NELL2: variants seen among roughly 807,000 people sequenced by gnomAD.
NELL2 encodes the protein protein kinase C-binding protein NELL2.
Under a neutral mutation model 109.6 loss-of-function variants are expected in NELL2, and 41 were observed. That is an observed-to-expected ratio of 0.37 (90% CI 0.29 to 0.49). The LOEUF is 0.49. Among genes scored for constraint, NELL2 ranks in the 20% least tolerant of loss-of-function variants. The pLI, the probability that NELL2 is intolerant of heterozygous loss-of-function variation, is 0.98. For missense variants in NELL2, 900 were observed against 1,008.3 expected, an observed-to-expected ratio of 0.89 and a Z score of 1.45; for synonymous variants, 355 against 344.7, an observed-to-expected ratio of 1.03 and a Z score of -0.33.
At chr12:44,776,287 T>C in intron 7 of NELL2, 137 bp from the exon 8 acceptor site, 1 of 720,380 alleles carries the variant, frequency 1.4e-6, no homozygotes. Flanking sequence ...GCCATAAACA[T>C]ATTTAAGACT....
At chr12:44,603,882 T>G (rs1410895659) in intron 15 of NELL2, among the ~76,000 whole-genome samples, 5 of 152,120 alleles carry the variant, frequency 3.3e-5, no homozygotes, top group African/African-American at 4.8e-5. Context: ...ATCCTATTAT[T>G]TCATCCTCAG....
intron 13 of NELL2, among the ~76,000 whole-genome samples, chr12:44,630,598 G>T (rs769285122): frequency 1.8e-4 from 28 of 152,098 alleles, no homozygotes; most frequent in Non-Finnish European, 3.7e-4. Flanking sequence ...TTCACAGTTG[G>T]TGCTTCTTAC....
chr12:44,551,448 G>C (rs1367008946), intron 15 of NELL2, among the ~76,000 whole-genome samples: 1 of 152,156 alleles, frequency 6.6e-6, no homozygotes, highest in Non-Finnish European at 1.5e-5. Flanking sequence ...GGATACATGA[G>C]TAAAGAAAGT....
intron 2 of NELL2, among the ~76,000 whole-genome samples, chr12:44,819,185 G>A (rs1003106849): frequency 4.6e-5 from 7 of 152,150 alleles, no homozygotes; most frequent in African/African-American, 1.7e-4. Flanking sequence ...TTGAAAACAT[G>A]GTGAAGGAAA....
At chr12:44,875,001 A>G (rs1945271303) in intron 2 of NELL2, 1 of 523,750 alleles carries the variant, frequency 1.9e-6, no homozygotes, top group East Asian at 3.1e-5. Flanking sequence ...GGGACTATCC[A>G]TTAGAACTGG....
At chr12:44,867,863 T>C (rs576332874) in intron 2 of NELL2, among the ~76,000 whole-genome samples, 2 of 152,246 alleles carry the variant, frequency 1.3e-5, no homozygotes, top group African/African-American at 4.8e-5. Flanking sequence ...CTCACACCTG[T>C]AATCCCAGCA....
At chr12:44,576,370 TGA>T (rs917974598) in intron 15 of NELL2, among the ~76,000 whole-genome samples, 3 of 152,184 alleles carry the variant, frequency 2.0e-5, no homozygotes, top group African/African-American at 7.2e-5. Flanking sequence ...GGGCAAGTGG[TGA>T]GTCTTTTCCA....
At chr12:44,808,905 C>A (rs1943088343) in intron 3 of NELL2, among the ~76,000 whole-genome samples, 1 of 151,852 alleles carries the variant, frequency 6.6e-6, no homozygotes, top group South Asian at 2.1e-4. Context: ...TTTATTAATA[C>A]AGAAGATGAT....
At chr12:44,525,455 TTGAG>T (rs1416053341) in intron 16 of NELL2, among the ~76,000 whole-genome samples, 1 of 152,222 alleles carries the variant, frequency 6.6e-6, no homozygotes, top group Non-Finnish European at 1.5e-5. Context: ...TCCAAGGAGT[TTGAG>T]TTAGTTTGAA....
intron 9 of NELL2, among the ~76,000 whole-genome samples, chr12:44,746,168 G>T (rs759657686): frequency 1.3e-5 from 2 of 152,156 alleles, no homozygotes; most frequent in Non-Finnish European, 2.9e-5. Context: ...TCTGATCTTT[G>T]ACAAACCTGA....
chr12:44,680,617 C>T (rs1444716952), intron 12 of NELL2, among the ~76,000 whole-genome samples: 1 of 152,066 alleles, frequency 6.6e-6, no homozygotes, highest in Non-Finnish European at 1.5e-5. Context: ...CGCCTCTTCA[C>T]CAATGCTTCA....
Position 44,607,202 on chromosome 12 carries a change from G to T in NELL2, c.1630C>A (p.Pro544Thr). Residue 544 changes from proline to threonine, a missense_variant, in exon 15 of 20, where the codon CCA becomes ACA. Physicochemically the swap from Pro to Thr is conservative, Grantham distance 38. Around this residue, in one of 4 missense-constraint regions of NELL2, gnomAD observed 333 missense variants for 432.3 expected, o/e 0.77. Coordinates refer to ENST00000429094, the MANE Select transcript of NELL2 (RefSeq NM_001145108.2). ...ACIAANVCAC[P>T]QGFTGPSCET... Reference sequence around the variant, plus strand: ...CAGCTGGGTCCAGTGAAGCCTTGTGGGCAGGCACACACATTAGCGGCAATA... The same window carrying T: ...CAGCTGGGTCCAGTGAAGCCTTGTGTGCAGGCACACACATTAGCGGCAATA... 1 of 1,612,486 alleles carries T rather than the reference G, an allele frequency of 6.2e-7. No homozygotes were observed. The highest frequency in any genetic ancestry group is 8.5e-7 in the Non-Finnish European group (1 of 1,179,080).
At chr12:44,523,604 CTGGCT>C in intron 16 of NELL2, 120 bp from the exon 17 acceptor site, 1 of 767,700 alleles carries the variant, frequency 1.3e-6, no homozygotes. Context: ...TTTCATCTTA[CTGGCT>C]TGCATTTGTG....
intron 13 of NELL2, among the ~76,000 whole-genome samples, chr12:44,647,834 ATGGG>A (rs1566083328): frequency 6.6e-6 from 1 of 152,220 alleles, no homozygotes; most frequent in Non-Finnish European, 1.5e-5. Context: ...ACTTGCCATA[ATGGG>A]ATAAGTGGGG....
intron 15 of NELL2, among the ~76,000 whole-genome samples, chr12:44,562,540 C>T (rs1388703520): frequency 3.9e-5 from 6 of 152,146 alleles, no homozygotes; most frequent in Admixed American, 2.0e-4. Context: ...AGAAGACATT[C>T]GTGTGACCAA....
intron 13 of NELL2, among the ~76,000 whole-genome samples, chr12:44,659,060 A>G (rs992742412): frequency 2.8e-4 from 42 of 152,086 alleles, no homozygotes; most frequent in Admixed American, 7.9e-4. Flanking sequence ...ATCTATAAAC[A>G]GCTGATCTTT....
At chr12:44,733,529 C>CA (rs1939481003) in intron 9 of NELL2, among the ~76,000 whole-genome samples, 1 of 151,664 alleles carries the variant, frequency 6.6e-6, no homozygotes, top group Non-Finnish European at 1.5e-5. Flanking sequence ...AAGCAGAAAA[C>CA]AGAGTGATGG....
chr12:44,589,917 A>G (rs537446504), intron 15 of NELL2, among the ~76,000 whole-genome samples: 38 of 152,192 alleles, frequency 2.5e-4, no homozygotes, highest in African/African-American at 8.4e-4. Flanking sequence ...CTGGTGTCCA[A>G]TTTCATTTTC....
At chr12:44,742,321 A>T (rs1049258499) in intron 9 of NELL2, among the ~76,000 whole-genome samples, 1 of 152,208 alleles carries the variant, frequency 6.6e-6, no homozygotes, top group Non-Finnish European at 1.5e-5. Flanking sequence ...CATCACCATC[A>T]TCAAAGACCA....
Sources: allele counts gnomAD v4.1 joint callset (sites outside exome capture counted in the v4.1 genomes callset), GRCh38; gene constraint gnomAD v4.1.1; regional missense constraint gnomAD v4.1.1; transcripts MANE v1.5; gene names NCBI Gene and HGNC (gene_info 2026-07-23, HGNC 2026-07-21).